Variants in ATF7IP observed in about 807,000 individuals in gnomAD.
The protein encoded by ATF7IP is activating transcription factor 7 interacting protein, also known as activating transcription factor 7-interacting protein 1.
A neutral mutation model predicts 106.4 loss-of-function variants in ATF7IP; 23 were observed. That is an observed-to-expected ratio of 0.22 (90% CI 0.16 to 0.31). The LOEUF (loss-of-function observed/expected upper bound fraction) is 0.31, where lower values mean the gene tolerates loss of function less well. Ranked by LOEUF, ATF7IP falls within the 10% of genes least tolerant of loss-of-function variation. The pLI is 1.00. For synonymous variants in ATF7IP, 542 were observed against 539.0 expected (o/e 1.01, Z -0.08); for missense variants, 1,334 against 1,524.3 (o/e 0.88, Z 2.08).
At chr12:14,400,162 T>C (rs1940109771) in intron 1 of ATF7IP, among the ~76,000 whole-genome samples, 1 of 152,238 alleles carries the variant, frequency 6.6e-6, no homozygotes, top group Non-Finnish European at 1.5e-5. Flanking sequence ...ATTGAAAGTC[T>C]GTATTTGTAT....
chr12:14,447,736 G>A (rs1203186764), intron 6 of ATF7IP, among the ~76,000 whole-genome samples: 1 of 152,002 alleles, frequency 6.6e-6, no homozygotes, highest in Admixed American at 6.6e-5. Flanking sequence ...GTATTCTACT[G>A]CCTGTAGTAT....
At chr12:14,377,182 A>G (rs1380187726) in intron 1 of ATF7IP, among the ~76,000 whole-genome samples, 5 of 151,704 alleles carry the variant, frequency 3.3e-5, no homozygotes, top group African/African-American at 1.2e-4. Context: ...TTTAGTAGAG[A>G]CGGGGTTTCA....
At chr12:14,412,372 A>T (rs1301050520) in intron 1 of ATF7IP, among the ~76,000 whole-genome samples, 1 of 150,668 alleles carries the variant, frequency 6.6e-6, no homozygotes, top group Admixed American at 6.6e-5. Context: ...TAATTTGAAG[A>T]GTGTTGACAT....
chr12:14,472,666 C>G (rs1398915058), intron 10 of ATF7IP, among the ~76,000 whole-genome samples: 1 of 152,150 alleles, frequency 6.6e-6, no homozygotes, highest in African/African-American at 2.4e-5. Flanking sequence ...CCATGCCATT[C>G]ACATGCTTTT....
chr12:14,395,824 A>T (rs1434444638), intron 1 of ATF7IP, among the ~76,000 whole-genome samples: 1 of 152,036 alleles, frequency 6.6e-6, no homozygotes, highest in Non-Finnish European at 1.5e-5. Context: ...TAAATTTATT[A>T]TTATTTTAAT....
At chr12:14,372,065 A>G (rs1255758326) in intron 1 of ATF7IP, among the ~76,000 whole-genome samples, 1 of 152,154 alleles carries the variant, frequency 6.6e-6, no homozygotes, top group Non-Finnish European at 1.5e-5. Flanking sequence ...TAGAGTACTT[A>G]GAAATTGCCT....
At chr12:14,497,299 A>G (rs1033943365) in intron 14 of ATF7IP, among the ~76,000 whole-genome samples, 3 of 152,352 alleles carry the variant, frequency 2.0e-5, no homozygotes, top group Middle Eastern at 3.4e-3. Context: ...TACTGAAATG[A>G]TAATCTGTAA....
intron 5 of ATF7IP, among the ~76,000 whole-genome samples, chr12:14,441,267 A>G (rs1233646773): frequency 1.3e-5 from 2 of 152,060 alleles, no homozygotes; most frequent in Non-Finnish European, 2.9e-5. Flanking sequence ...TTTTATTATT[A>G]TAGCATCTGA....
intron 1 of ATF7IP, among the ~76,000 whole-genome samples, chr12:14,376,321 C>T (rs973009189): frequency 2.0e-5 from 3 of 152,200 alleles, no homozygotes; most frequent in Non-Finnish European, 4.4e-5. Context: ...CATAGCCCTT[C>T]CTTGAAATCA....
At chr12:14,446,593 G>T (rs887467065) in intron 5 of ATF7IP, among the ~76,000 whole-genome samples, 2 of 152,116 alleles carry the variant, frequency 1.3e-5, no homozygotes, top group Non-Finnish European at 2.9e-5. Context: ...TATTGGCAAG[G>T]GATCTTTTAT....
chr12:14,409,160 G>C (rs1420829696), intron 1 of ATF7IP, among the ~76,000 whole-genome samples: 2 of 151,808 alleles, frequency 1.3e-5, no homozygotes, highest in African/African-American at 4.8e-5. Flanking sequence ...ATGTCAAAGT[G>C]TTCCATTAAA....
chr12:14,419,849 T>C (rs997070494), intron 1 of ATF7IP: 1 of 152,080 alleles, frequency 6.6e-6, no homozygotes, highest in Non-Finnish European at 1.5e-5. Flanking sequence ...TCTAAATAGT[T>C]GATTTAGTTA....
intron 12 of ATF7IP, among the ~76,000 whole-genome samples, chr12:14,479,610 C>G (rs1224286805): frequency 6.6e-6 from 1 of 151,992 alleles, no homozygotes; most frequent in Non-Finnish European, 1.5e-5. Flanking sequence ...GTTAATTAAC[C>G]TTTGAGTTAT....
Position 14,502,800 on chromosome 12 carries a change from G to A in ATF7IP, c.*4727G>A, listed in dbSNP as rs891757105. On this transcript the variant is annotated 3_prime_UTR_variant, in exon 15 of 15. Transcript: ENST00000261168. ...GGGTTTTGAAGGTTTGTGTGTGTGT[G>A]TGCGTGCGTGTGTGTGTTTTTCTTT... 2 of 152,140 alleles carry A rather than the reference G, an allele frequency of 1.3e-5. No individual in the cohort carries two copies. The highest frequency in any genetic ancestry group is 2.9e-5 in the Non-Finnish European group (2 of 68,022). The allele number at this position is 152,140 out of a possible 1,614,324, so 9.4% of individuals were successfully genotyped here. A position where few individuals can be genotyped will look rare whatever the true frequency, so the allele number is the denominator to read the frequency against.
chr12:14,410,875 C>G (rs1346667212), intron 1 of ATF7IP, among the ~76,000 whole-genome samples: 1 of 152,100 alleles, frequency 6.6e-6, no homozygotes, highest in Non-Finnish European at 1.5e-5. Context: ...TAAATGGAAT[C>G]ATTCACTATG....
chr12:14,405,755 G>A (rs909584455), intron 1 of ATF7IP, among the ~76,000 whole-genome samples: 20 of 152,078 alleles, frequency 1.3e-4, no homozygotes, highest in African/African-American at 3.9e-4. Flanking sequence ...TGGGTTTTTA[G>A]TAGGGCAGTT....
At chr12:14,439,839 AAATC>A (rs1193719070) in intron 5 of ATF7IP, among the ~76,000 whole-genome samples, 7 of 127,202 alleles carry the variant, frequency 5.5e-5, no homozygotes, top group Admixed American at 4.3e-4. Flanking sequence ...TCTCCAAAAT[AAATC>A]CATCCATCCA....
chr12:14,484,887 C>G (rs1944549444), intron 13 of ATF7IP, among the ~76,000 whole-genome samples: 1 of 152,134 alleles, frequency 6.6e-6, no homozygotes, highest in African/African-American at 2.4e-5. Context: ...GCACCCAGTT[C>G]ATGATAGTCA....
chr12:14,373,246 G>A (rs866831291), intron 1 of ATF7IP, among the ~76,000 whole-genome samples: 20 of 152,142 alleles, frequency 1.3e-4, no homozygotes, highest in Admixed American at 5.9e-4. Context: ...AATTCCATTA[G>A]AGTAAAAACT....
Sources: allele counts gnomAD v4.1 joint callset (sites outside exome capture counted in the v4.1 genomes callset), GRCh38; gene constraint gnomAD v4.1.1; transcripts MANE v1.5; gene names NCBI Gene and HGNC (gene_info 2026-07-23, HGNC 2026-07-21).